Variants in NXPE4 observed in about 807,000 individuals in gnomAD.
NXPE4 encodes the protein NXPE family member 4.
Under a neutral mutation model 33.3 loss-of-function variants are expected in NXPE4, and 42 were observed. The observed-to-expected ratio is 1.26, with a 90% CI of 0.98 to 1.63. The LOEUF is 1.63. Among genes scored for constraint, NXPE4 ranks in the 40% most tolerant of loss-of-function variants. The probability of loss-of-function intolerance (pLI) is 0.00; values close to 1 mark genes in which losing one functional copy is unlikely to be tolerated. For synonymous variants in NXPE4, 253 were observed against 234.9 expected (o/e 1.08, Z -0.71); for missense variants, 709 against 647.6 (o/e 1.09, Z -1.03).
chr11:114,597,585 G>C (rs1458739042), upstream of NXPE4, among the ~76,000 whole-genome samples: 3 of 152,172 alleles, frequency 2.0e-5, no homozygotes, highest in African/African-American at 7.2e-5. Context: ...AGAAGCCCTA[G>C]AAGCAATGAC....
chr11:114,634,563 C>T, the NXPE4 span, among the ~76,000 whole-genome samples: 1 of 151,930 alleles, frequency 6.6e-6, no homozygotes, highest in Non-Finnish European at 1.5e-5. Flanking sequence ...AATGGTATTG[C>T]CTAGGTTTTC....
intron 2 of NXPE4, among the ~76,000 whole-genome samples, chr11:114,590,371 G>A (rs930820218): frequency 6.6e-6 from 1 of 152,150 alleles, no homozygotes; most frequent in Non-Finnish European, 1.5e-5. Flanking sequence ...AAAGAATTAA[G>A]CCCATTTCCT....
the NXPE4 span, among the ~76,000 whole-genome samples, chr11:114,676,749 T>C: frequency 6.6e-6 from 1 of 152,062 alleles, no homozygotes; most frequent in Non-Finnish European, 1.5e-5. Flanking sequence ...GCAATCCCGC[T>C]AATGGGTATA....
chr11:114,580,276 G>T lies in NXPE4; in HGVS notation c.955C>A (p.His319Asn). The T allele has an allele frequency of 6.2e-7, 1 of 1,613,934 alleles. No homozygotes were observed. The highest frequency in any genetic ancestry group is 8.5e-7 in the Non-Finnish European group (1 of 1,179,868). Residue 319 changes from histidine (H) to asparagine (N), a missense_variant, in exon 5 of 6, where the codon CAT (histidine) becomes AAT (asparagine). His to Asn is a moderately conservative substitution (Grantham distance 68, BLOSUM62 1). Transcript: ENST00000375478. ...GGATTCCATGTGTTTCTCCAGACAT[G>T]CCCACTGGGGATTGTGGATGTCATT... ...FGMTSTIPSG[H>N]VWRNTWNPVS...
At chr11:114,606,127 A>G in the NXPE4 span, among the ~76,000 whole-genome samples, 1 of 151,148 alleles carries the variant, frequency 6.6e-6, no homozygotes, top group African/African-American at 2.4e-5. Flanking sequence ...GATAATAAGT[A>G]TTGTCTCTAG....
At chr11:114,613,255 T>A in the NXPE4 span, among the ~76,000 whole-genome samples, 1 of 151,868 alleles carries the variant, frequency 6.6e-6, no homozygotes, top group Non-Finnish European at 1.5e-5. Flanking sequence ...CGGTGGATAA[T>A]AAGCATTGCC....
the NXPE4 span, among the ~76,000 whole-genome samples, chr11:114,603,819 A>G: frequency 6.6e-6 from 1 of 151,440 alleles, no homozygotes; most frequent in Non-Finnish European, 1.5e-5. Flanking sequence ...CTCCTAGGTA[A>G]CTCCTATTAA....
At chr11:114,580,847 T>A (rs926048427) in intron 4 of NXPE4, among the ~76,000 whole-genome samples, 168 of 152,264 alleles carry the variant, frequency 1.1e-3, no homozygotes, top group African/African-American at 3.8e-3. Context: ...CTGGAGAGTG[T>A]CTTAGAGGTC....
At chr11:114,652,876 C>T in the NXPE4 span, among the ~76,000 whole-genome samples, 3 of 152,140 alleles carry the variant, frequency 2.0e-5, no homozygotes, top group Non-Finnish European at 2.9e-5. Context: ...ACTGCAAGCC[C>T]AGTGGTGCCA....
At chr11:114,643,340 A>C in the NXPE4 span, among the ~76,000 whole-genome samples, 3 of 151,944 alleles carry the variant, frequency 2.0e-5, no homozygotes, top group Non-Finnish European at 4.4e-5. Flanking sequence ...CCATGCCTAC[A>C]TCCTGAATGG....
chr11:114,663,586 C>CATCTATCTATCTATCTATCT, the NXPE4 span, among the ~76,000 whole-genome samples: 7 of 132,878 alleles, frequency 5.3e-5, no homozygotes, highest in East Asian at 4.5e-4. Context: ...CTCTATCTAT[C>CATCTATCTATCTATCTATCT]ATCTATCTAT....
At chr11:114,600,729 A>G (rs1232331890), upstream of NXPE4, among the ~76,000 whole-genome samples, 2 of 152,056 alleles carry the variant, frequency 1.3e-5, no homozygotes, top group Non-Finnish European at 2.9e-5. Context: ...AAAGTCTGTA[A>G]TTTCACTGAT....
At chr11:114,651,943 A>G in the NXPE4 span, among the ~76,000 whole-genome samples, 1 of 152,174 alleles carries the variant, frequency 6.6e-6, no homozygotes, top group Non-Finnish European at 1.5e-5. Context: ...AAACCAAATT[A>G]TTAGGGTGCT....
the NXPE4 span, among the ~76,000 whole-genome samples, chr11:114,623,401 G>T: frequency 6.6e-6 from 1 of 151,808 alleles, no homozygotes; most frequent in Non-Finnish European, 1.5e-5. Flanking sequence ...TGCGCAGTGG[G>T]TACCATTGTT....
the NXPE4 span, among the ~76,000 whole-genome samples, chr11:114,672,154 A>C: frequency 6.6e-6 from 1 of 152,156 alleles, no homozygotes; most frequent in Non-Finnish European, 1.5e-5. Flanking sequence ...CCATGATTCA[A>C]TCACTTCCCA....
At chr11:114,599,600 G>A (rs1341818557), upstream of NXPE4, among the ~76,000 whole-genome samples, 1 of 152,176 alleles carries the variant, frequency 6.6e-6, no homozygotes, top group Non-Finnish European at 1.5e-5. Context: ...TATACAGGGA[G>A]CATGGTAGCT....
intron 5 of NXPE4, among the ~76,000 whole-genome samples, chr11:114,579,906 T>G (rs1479442465): frequency 1.3e-5 from 2 of 152,216 alleles, no homozygotes; most frequent in Non-Finnish European, 2.9e-5. Flanking sequence ...GTGTGAATTC[T>G]GCAGAGATAG....
At chr11:114,599,782 G>A (rs950120042), upstream of NXPE4, among the ~76,000 whole-genome samples, 1 of 152,090 alleles carries the variant, frequency 6.6e-6, no homozygotes, top group African/African-American at 2.4e-5. Flanking sequence ...GGGGGATGGT[G>A]CTAAACCATT....
chr11:114,630,688 T>C, the NXPE4 span, among the ~76,000 whole-genome samples: 4 of 150,848 alleles, frequency 2.7e-5, no homozygotes, highest in South Asian at 8.3e-4. Flanking sequence ...CTAATTAAAC[T>C]AAAGAGCTTC....
Sources: gnomAD v4.1 joint callset for allele counts (sites outside exome capture counted in the v4.1 genomes callset) on GRCh38, gnomAD v4.1.1 for gene constraint, MANE v1.5 for transcripts, NCBI Gene and HGNC (gene_info 2026-07-23, HGNC 2026-07-21) for gene names.